The following PGM5 variants were observed in gnomAD, a reference collection of about 807,000 sequenced individuals.
PGM5 encodes the protein phosphoglucomutase 5, also known as phosphoglucomutase-like protein 5.
PGM5 carries 23 observed loss-of-function variants against 59.2 expected under a neutral mutation model. The observed-to-expected ratio is 0.39, with a 90% CI of 0.28 to 0.55. The LOEUF (loss-of-function observed/expected upper bound fraction) is 0.55. PGM5 is among the 20% of genes least tolerant of loss of function. The pLI, the probability that PGM5 is intolerant of heterozygous loss-of-function variation, is 0.66. For synonymous variants in PGM5, 214 were observed against 286.0 expected, an observed-to-expected ratio of 0.75 and a Z score of 2.54; for missense variants, 574 against 748.3, an observed-to-expected ratio of 0.77 and a Z score of 2.72.
chr9:68,478,434 CAG>C (rs1251889155), intron 7 of PGM5, among the ~76,000 whole-genome samples: 26 of 152,304 alleles, frequency 1.7e-4, no homozygotes, highest in Non-Finnish European at 2.9e-4. Flanking sequence ...GCCATTGCCT[CAG>C]TGGGGGCAGA....
At chr9:68,427,878 A>T (rs1320156113) in intron 6 of PGM5, among the ~76,000 whole-genome samples, 2 of 152,118 alleles carry the variant, frequency 1.3e-5, no homozygotes, top group Non-Finnish European at 2.9e-5. Flanking sequence ...CTCTGCTCTA[A>T]ATTTCTTGTT....
intron 3 of PGM5, among the ~76,000 whole-genome samples, chr9:68,385,888 T>C (rs1554678804): frequency 2.6e-5 from 4 of 152,006 alleles, no homozygotes; most frequent in African/African-American, 9.7e-5. Context: ...CTTCCAAGAA[T>C]TTGGAGATAA....
intron 10 of PGM5, among the ~76,000 whole-genome samples, chr9:68,512,908 A>T (rs2132114240): frequency 6.6e-6 from 1 of 152,374 alleles, no homozygotes. Flanking sequence ...TAGGCACTGT[A>T]ATTGACTTAA....
At chr9:68,526,839 G>GA (rs924161352) in intron 10 of PGM5, among the ~76,000 whole-genome samples, 2 of 151,934 alleles carry the variant, frequency 1.3e-5, no homozygotes, top group African/African-American at 2.4e-5. Flanking sequence ...AATTTTCATA[G>GA]AAAAAAAGTC....
intron 10 of PGM5, among the ~76,000 whole-genome samples, chr9:68,505,224 C>T (rs1824635734): frequency 6.6e-6 from 1 of 152,136 alleles, no homozygotes; most frequent in Non-Finnish European, 1.5e-5. Context: ...GTTGAAGGCC[C>T]AGAAGAGAAT....
intron 6 of PGM5, among the ~76,000 whole-genome samples, chr9:68,424,426 A>G (rs1554682575): frequency 6.6e-6 from 1 of 152,176 alleles, no homozygotes; most frequent in South Asian, 2.1e-4. Flanking sequence ...GGAAGGGGCA[A>G]GGCAGCTCTC....
chr9:68,367,072 G>A (rs1280526274), intron 1 of PGM5, among the ~76,000 whole-genome samples: 113 of 151,768 alleles, frequency 7.4e-4, no homozygotes, highest in African/African-American at 2.6e-3. Flanking sequence ...TCCCCCTCCC[G>A]GCACACATTT....
In PGM5 at chr9:68,464,152, A is replaced by C. The variant is rs12342765; in HGVS notation, c.1044-941A>C. Among the ~76,000 whole-genome samples the C allele has an allele frequency of 5.4e-3, 819 of 152,294 alleles. 1 individual carries two copies. Among genetic ancestry groups the C allele is most frequent in the African/African-American group, 0.019 (800 of 41,558 alleles). On this transcript the variant is annotated intron_variant, in intron 6 of 10. Coordinates refer to ENST00000396396, the MANE Select transcript of PGM5 (RefSeq NM_021965.4). ...CATTTGGATTGTTTCAGTTATTACA[A>C]ATTGTGATTCTATGATCATACTTGT...
intron 6 of PGM5, among the ~76,000 whole-genome samples, chr9:68,415,483 C>A (rs1587801030): frequency 6.8e-6 from 1 of 146,252 alleles, no homozygotes; most frequent in East Asian, 2.0e-4. Context: ...CTGGAGGAAT[C>A]CCCTGGAACA....
At chr9:68,431,519 T>C (rs968586246) in intron 6 of PGM5, among the ~76,000 whole-genome samples, 16 of 152,362 alleles carry the variant, frequency 1.1e-4, no homozygotes, top group African/African-American at 3.6e-4. Context: ...CAGGATTTAA[T>C]GCAGCTATTA....
chr9:68,430,784 A>G (rs910879533), intron 6 of PGM5, among the ~76,000 whole-genome samples: 10 of 152,230 alleles, frequency 6.6e-5, no homozygotes, highest in Non-Finnish European at 1.5e-4. Flanking sequence ...AAAAAAGAAC[A>G]ACAGAGTTTG....
intron 7 of PGM5, among the ~76,000 whole-genome samples, chr9:68,473,644 T>C (rs1240025757): frequency 2.0e-5 from 3 of 152,206 alleles, no homozygotes; most frequent in African/African-American, 7.2e-5. Flanking sequence ...CTCCTTGTGA[T>C]TGTGCTTCAA....
chr9:68,458,448 A>G (rs1282789797), intron 6 of PGM5, among the ~76,000 whole-genome samples: 1 of 152,250 alleles, frequency 6.6e-6, no homozygotes, highest in Non-Finnish European at 1.5e-5. Flanking sequence ...ACTATGAGAC[A>G]TGCAGTTATC....
intron 1 of PGM5, among the ~76,000 whole-genome samples, chr9:68,366,645 TAAAGAC>T (rs1433347104): frequency 6.6e-6 from 1 of 152,306 alleles, no homozygotes; most frequent in Non-Finnish European, 1.5e-5. Flanking sequence ...ATTAAAATGA[TAAAGAC>T]AAAAGGAGAA....
In PGM5 at chr9:68,504,901, A is replaced by G. The variant is rs930396259; in HGVS notation, c.1614+5540A>G. ...CTTTGGAATCTCTCAGCCCAATTAT[A>G]TCACACAGGAAGCTGAAATATTCTG... On this transcript the variant is annotated intron_variant, in intron 10 of 10. Coordinates refer to ENST00000396396, the MANE Select transcript of PGM5 (RefSeq NM_021965.4). Among the ~76,000 whole-genome samples, 7 of 152,310 alleles carry G rather than the reference A, an allele frequency of 4.6e-5. No individual in the cohort carries two copies. In the East Asian group the frequency reaches 1.2e-3, roughly 25 times the overall value.
chr9:68,508,160 A>G (rs1824688125), intron 10 of PGM5, among the ~76,000 whole-genome samples: 1 of 152,160 alleles, frequency 6.6e-6, no homozygotes, highest in South Asian at 2.1e-4. Context: ...CCACAGACAG[A>G]GCCCATCTCA....
chr9:68,515,490 G>C (rs1438358049), intron 10 of PGM5, among the ~76,000 whole-genome samples: 1 of 152,194 alleles, frequency 6.6e-6, no homozygotes, highest in African/African-American at 2.4e-5. Flanking sequence ...ACACCCTTAA[G>C]GAATGTGTTC....
chr9:68,531,013 C>A lies in PGM5; in HGVS notation c.*1357C>A, dbSNP rs1825072340. On this transcript the variant is annotated 3_prime_UTR_variant, in exon 11 of 11. Transcript: ENST00000396396. ...TGTCTGTGCTTCTGTCAGAAACTTG[C>A]TAGGACATTTAGTGGCCAATAAAAA... 1.5e-5 allele frequency: 1 copy of A among 65,484 alleles called. No homozygotes were observed. The highest frequency in any genetic ancestry group is 5.6e-5 in the Non-Finnish European group (1 of 17,998). 4.1% of individuals were successfully genotyped at this position (65,484 alleles called of 1,614,324 possible). A position where few individuals can be genotyped will look rare whatever the true frequency, so the allele number is the denominator to read the frequency against.
intron 10 of PGM5, among the ~76,000 whole-genome samples, chr9:68,521,765 T>C (rs1824902750): frequency 6.6e-6 from 1 of 152,154 alleles, no homozygotes; most frequent in Non-Finnish European, 1.5e-5. Flanking sequence ...AGGGAAACCA[T>C]GGCCAGGGAA....
Sources: gnomAD v4.1 joint callset for allele counts (sites outside exome capture counted in the v4.1 genomes callset) on GRCh38, gnomAD v4.1.1 for gene constraint, MANE v1.5 for transcripts, NCBI Gene and HGNC (gene_info 2026-07-23, HGNC 2026-07-21) for gene names.